BCKDHB: variants seen among roughly 807,000 people sequenced by gnomAD.
The protein encoded by BCKDHB is 2-oxoisovalerate dehydrogenase subunit beta, mitochondrial.
A neutral mutation model predicts 48.5 loss-of-function variants in BCKDHB; 41 were observed. The ratio of observed to expected loss-of-function variants is 0.85; its 90% CI spans 0.66 to 1.10. BCKDHB has a LOEUF of 1.10. Ranked by LOEUF, BCKDHB falls within the 50% of genes least tolerant of loss-of-function variation. The pLI is 0.00. For missense variants in BCKDHB, 496 were observed against 494.2 expected, an observed-to-expected ratio of 1.00 and a Z score of -0.03; for synonymous variants, 201 against 174.8, an observed-to-expected ratio of 1.15 and a Z score of -1.18.
At chr6:80,120,402 G>T (rs1393010644) in intron 1 of BCKDHB, among the ~76,000 whole-genome samples, 1 of 152,038 alleles carries the variant, frequency 6.6e-6, no homozygotes, top group Non-Finnish European at 1.5e-5. Context: ...GGGTCAAATG[G>T]TAATTCTAGT....
At chr6:80,178,786 G>A (rs1398904603) in intron 6 of BCKDHB, among the ~76,000 whole-genome samples, 1 of 152,170 alleles carries the variant, frequency 6.6e-6, no homozygotes, top group Non-Finnish European at 1.5e-5. Flanking sequence ...GGCACAGATG[G>A]TGACTTTTAA....
At chr6:80,200,367 A>T (rs1346996681) in intron 6 of BCKDHB, among the ~76,000 whole-genome samples, 1 of 152,126 alleles carries the variant, frequency 6.6e-6, no homozygotes, top group Non-Finnish European at 1.5e-5. Context: ...CATAGATCTA[A>T]GGTGAAAAAA....
chr6:80,362,051 A>G, the BCKDHB span, among the ~76,000 whole-genome samples: 3 of 152,112 alleles, frequency 2.0e-5, no homozygotes, highest in Admixed American at 6.5e-5. Context: ...GCTTTCTCTG[A>G]GTTGCTTCAA....
chr6:80,385,225 A>G, the BCKDHB span, among the ~76,000 whole-genome samples: 3 of 152,192 alleles, frequency 2.0e-5, no homozygotes, highest in Non-Finnish European at 4.4e-5. Context: ...TGAACATCAA[A>G]TCTGCTAAGA....
chr6:80,395,109 C>T, the BCKDHB span, among the ~76,000 whole-genome samples: 1 of 152,124 alleles, frequency 6.6e-6, no homozygotes, highest in Non-Finnish European at 1.5e-5. Flanking sequence ...TTCTTCATAG[C>T]AGGGTGAGAA....
chr6:80,456,736 A>G, the BCKDHB span, among the ~76,000 whole-genome samples: 13 of 152,178 alleles, frequency 8.5e-5, no homozygotes, highest in Non-Finnish European at 1.8e-4. Context: ...CTGGATCACA[A>G]TCTATGAGGA....
intron 9 of BCKDHB, among the ~76,000 whole-genome samples, chr6:80,323,041 A>G (rs1768830232): frequency 6.6e-6 from 1 of 152,080 alleles, no homozygotes; most frequent in African/African-American, 2.4e-5. Context: ...AGCTGATTTC[A>G]GATACTGTTC....
At chr6:80,410,054 C>T in the BCKDHB span, among the ~76,000 whole-genome samples, 1 of 152,108 alleles carries the variant, frequency 6.6e-6, no homozygotes, top group Admixed American at 6.6e-5. Context: ...ATGGCCTTTA[C>T]AATTTGGCAT....
chr6:80,427,221 T>A, the BCKDHB span, among the ~76,000 whole-genome samples: 4 of 152,072 alleles, frequency 2.6e-5, no homozygotes, highest in Non-Finnish European at 5.9e-5. Flanking sequence ...CTTTTAAGGT[T>A]TATTAGCGCT....
At chr6:80,380,694 G>T in the BCKDHB span, among the ~76,000 whole-genome samples, 1 of 151,372 alleles carries the variant, frequency 6.6e-6, no homozygotes, top group East Asian at 1.9e-4. Context: ...TCTGACAAAG[G>T]ACTTATATCC....
At chr6:80,282,201 T>C (rs1007103202) in intron 9 of BCKDHB, among the ~76,000 whole-genome samples, 1 of 152,128 alleles carries the variant, frequency 6.6e-6, no homozygotes, top group Non-Finnish European at 1.5e-5. Flanking sequence ...TGAAAAAATA[T>C]GCCACTTACT....
chr6:80,161,814 C>T (rs1197649571), intron 3 of BCKDHB, among the ~76,000 whole-genome samples: 1 of 152,198 alleles, frequency 6.6e-6, no homozygotes, highest in African/African-American at 2.4e-5. Flanking sequence ...GAAGCATCCT[C>T]AACTCTGATT....
At chr6:80,373,245 A>G in the BCKDHB span, among the ~76,000 whole-genome samples, 1 of 152,182 alleles carries the variant, frequency 6.6e-6, no homozygotes, top group Non-Finnish European at 1.5e-5. Flanking sequence ...AAAGGTGTTC[A>G]TAGTAACCTT....
In BCKDHB at chr6:80,283,844, T is replaced by C. The variant is rs181663235; in HGVS notation, c.1038+10623T>C. ...AATTTTCTAACTACAATAAGGTTAT[T>C]TAAAATTTTATACATGAAAGACAGC... On this transcript the variant is annotated intron_variant, in intron 9 of 9. Coordinates refer to ENST00000320393, the MANE Select transcript of BCKDHB (RefSeq NM_183050.4). Among the ~76,000 whole-genome samples, 415 of 152,274 alleles carry C rather than the reference T, an allele frequency of 2.7e-3. 2 individuals are homozygous for C. The highest frequency in any genetic ancestry group is 9.2e-3 in the African/African-American group (384 of 41,594).
At chr6:80,445,594 C>T in the BCKDHB span, among the ~76,000 whole-genome samples, 4 of 152,070 alleles carry the variant, frequency 2.6e-5, no homozygotes, top group Non-Finnish European at 4.4e-5. Flanking sequence ...CCATAGAATG[C>T]GTAACCTGGT....
At chr6:80,184,714 A>G (rs750022020) in intron 6 of BCKDHB, among the ~76,000 whole-genome samples, 119 of 152,316 alleles carry the variant, frequency 7.8e-4, no homozygotes, top group Admixed American at 1.3e-3. Flanking sequence ...TGCGGCATAC[A>G]AAATTCTTGG....
intron 8 of BCKDHB, among the ~76,000 whole-genome samples, chr6:80,269,932 A>G: frequency 6.6e-6 from 1 of 152,118 alleles, no homozygotes; most frequent in East Asian, 1.9e-4. Flanking sequence ...TTTTGCCTAG[A>G]TATGTGAACA....
chr6:80,361,789 C>T, the BCKDHB span, among the ~76,000 whole-genome samples: 4 of 152,156 alleles, frequency 2.6e-5, no homozygotes, highest in Admixed American at 6.5e-5. Context: ...GGGATTGTCA[C>T]GTTTCCATCT....
chr6:80,427,872 G>A, the BCKDHB span, among the ~76,000 whole-genome samples: 1 of 151,728 alleles, frequency 6.6e-6, no homozygotes, highest in Non-Finnish European at 1.5e-5. Context: ...CCTTCCTCTG[G>A]CTGATTCAAT....
Sources: gnomAD v4.1 joint callset for allele counts (sites outside exome capture counted in the v4.1 genomes callset) on GRCh38, gnomAD v4.1.1 for gene constraint, MANE v1.5 for transcripts, NCBI Gene and HGNC (gene_info 2026-07-23, HGNC 2026-07-21) for gene names.